Variants in TSHZ2 observed in about 807,000 individuals in gnomAD.
TSHZ2 encodes the protein teashirt zinc finger homeobox 2.
TSHZ2 carries 21 observed loss-of-function variants against 74.4 expected under a neutral mutation model. The ratio of observed to expected loss-of-function variants is 0.28; its 90% confidence interval spans 0.20 to 0.41. TSHZ2 has a LOEUF of 0.41. TSHZ2 is among the 10% of genes least tolerant of loss of function. The probability of loss-of-function intolerance (pLI) is 1.00; values close to 1 mark genes in which losing one functional copy is unlikely to be tolerated. For synonymous variants in TSHZ2, 540 were observed against 515.3 expected (o/e 1.05, Z -0.65); for missense variants, 1,244 against 1,293.5 (o/e 0.96, Z 0.59).
chr20:53,217,806 GACTT>G (rs1989470471), intron 1 of TSHZ2, among the ~76,000 whole-genome samples: 1 of 152,152 alleles, frequency 6.6e-6, no homozygotes, highest in Non-Finnish European at 1.5e-5. Context: ...AGAGTTATCT[GACTT>G]ACTATCTCAT....
chr20:53,081,847 C>T (rs1380876598), intron 1 of TSHZ2, among the ~76,000 whole-genome samples: 1 of 151,840 alleles, frequency 6.6e-6, no homozygotes, highest in Non-Finnish European at 1.5e-5. Flanking sequence ...AACACACAAA[C>T]ACCTTATATT....
At chr20:53,226,499 C>T (rs1382862993) in intron 1 of TSHZ2, among the ~76,000 whole-genome samples, 1 of 151,718 alleles carries the variant, frequency 6.6e-6, no homozygotes, top group Admixed American at 6.6e-5. Context: ...GGCCAGTAAC[C>T]GTGTCAAATC....
At chr20:53,462,342 A>T (rs1985404864) in intron 2 of TSHZ2, among the ~76,000 whole-genome samples, 1 of 152,198 alleles carries the variant, frequency 6.6e-6, no homozygotes, top group African/African-American at 2.4e-5. Context: ...ATGTTTACTT[A>T]ATTACTTCTT....
At chr20:53,228,069 A>G (rs1374480790) in intron 1 of TSHZ2, among the ~76,000 whole-genome samples, 1 of 138,278 alleles carries the variant, frequency 7.2e-6, no homozygotes, top group Non-Finnish European at 1.5e-5. Context: ...ATCATTTAAG[A>G]TATTTTGATA....
At chr20:53,182,917 G>A (rs1988517113) in intron 1 of TSHZ2, among the ~76,000 whole-genome samples, 1 of 152,170 alleles carries the variant, frequency 6.6e-6, no homozygotes, top group Non-Finnish European at 1.5e-5. Flanking sequence ...GCGTTTTAAT[G>A]ATTGCTAGAT....
At chr20:53,188,918 C>T (rs1229009736) in intron 1 of TSHZ2, among the ~76,000 whole-genome samples, 3 of 152,098 alleles carry the variant, frequency 2.0e-5, no homozygotes, top group Non-Finnish European at 4.4e-5. Context: ...ATCCTTATAA[C>T]ATGTCTATGA....
At chr20:53,234,360 T>A (rs1003763152) in intron 1 of TSHZ2, among the ~76,000 whole-genome samples, 2 of 152,146 alleles carry the variant, frequency 1.3e-5, no homozygotes, top group African/African-American at 4.8e-5. Context: ...TTTTGAGAAC[T>A]TACCAAGCAC....
chr20:53,071,707 ACAGGT>A (rs1985180052), intron 1 of TSHZ2, among the ~76,000 whole-genome samples: 3 of 152,078 alleles, frequency 2.0e-5, no homozygotes, highest in South Asian at 4.1e-4. Context: ...GTGACCCATC[ACAGGT>A]GACATGGGTT....
chr20:53,481,107 A>G lies in TSHZ2; in HGVS notation c.*9-6037A>G, dbSNP rs548249313. Among the ~76,000 whole-genome samples, 14 of 152,210 alleles carry G rather than the reference A, an allele frequency of 9.2e-5. No homozygotes were observed. In the East Asian group the frequency reaches 2.7e-3, roughly 29 times the overall value. ...ATTTGAGAGGCAACTAACAGTATCC[A>G]CTTCCTTTTTTTCTCAATCTGTTCT... On this transcript the variant is annotated intron_variant, in intron 2 of 2. Transcript: ENST00000371497.
chr20:53,202,982 A>G (rs913594793), intron 1 of TSHZ2, among the ~76,000 whole-genome samples: 2 of 152,164 alleles, frequency 1.3e-5, no homozygotes, highest in Non-Finnish European at 2.9e-5. Flanking sequence ...GATGAATCAT[A>G]CGTAGGCAGA....
At chr20:52,989,164 CAAAAAAAA>C (rs3995491) in intron 1 of TSHZ2, among the ~76,000 whole-genome samples, 1 of 126,172 alleles carries the variant, frequency 7.9e-6, no homozygotes, top group African/African-American at 2.8e-5. Context: ...CTCTGTCTGG[CAAAAAAAA>C]AAAAAAAAAT....
chr20:53,368,261 A>G (rs1422724721), intron 2 of TSHZ2, among the ~76,000 whole-genome samples: 4 of 151,566 alleles, frequency 2.6e-5, no homozygotes, highest in Non-Finnish European at 4.4e-5. Context: ...CCAAACCAAA[A>G]TACCAACGGG....
At chr20:52,991,847 T>C (rs1982010231) in intron 1 of TSHZ2, among the ~76,000 whole-genome samples, 1 of 152,102 alleles carries the variant, frequency 6.6e-6, no homozygotes, top group Non-Finnish European at 1.5e-5. Context: ...GATTTTGCGT[T>C]TGTGGTGGAC....
At chr20:53,145,313 C>T (rs760428335) in intron 1 of TSHZ2, among the ~76,000 whole-genome samples, 6 of 152,118 alleles carry the variant, frequency 3.9e-5, no homozygotes, top group Non-Finnish European at 8.8e-5. Flanking sequence ...GCATTGGTGT[C>T]AAAATGGCAG....
At chr20:53,175,131 C>CTTTTTTTTTTTTTTTTTTTTTT (rs750453219) in intron 1 of TSHZ2, among the ~76,000 whole-genome samples, 1 of 63,644 alleles carries the variant, frequency 1.6e-5, no homozygotes, top group Non-Finnish European at 2.7e-5. Context: ...CTTCTTCTTT[C>CTTTTTTTTTTTTTTTTTTTTTT]TTTTTTTTTT....
chr20:53,219,087 T>G (rs1454927411), intron 1 of TSHZ2, among the ~76,000 whole-genome samples: 1 of 152,214 alleles, frequency 6.6e-6, no homozygotes, highest in Non-Finnish European at 1.5e-5. Flanking sequence ...TAAAAGAAGC[T>G]TTTACTGTGT....
At chr20:53,223,623 T>G (rs1415910671) in intron 1 of TSHZ2, among the ~76,000 whole-genome samples, 1 of 152,144 alleles carries the variant, frequency 6.6e-6, no homozygotes, top group African/African-American at 2.4e-5. Context: ...CTCAAACTCC[T>G]GAGCCGAAGT....
intron 2 of TSHZ2, among the ~76,000 whole-genome samples, chr20:53,448,067 C>A (rs1215932048): frequency 6.6e-6 from 1 of 152,070 alleles, no homozygotes; most frequent in African/African-American, 2.4e-5. Flanking sequence ...GCACCTGCCA[C>A]CATGCCCCGC....
chr20:53,419,582 T>C (rs1983393508), intron 2 of TSHZ2, among the ~76,000 whole-genome samples: 1 of 152,176 alleles, frequency 6.6e-6, no homozygotes, highest in African/African-American at 2.4e-5. Context: ...GTTTGCCCAC[T>C]CTATAAAGAG....
Sources: allele counts gnomAD v4.1 joint callset (sites outside exome capture counted in the v4.1 genomes callset), GRCh38; gene constraint gnomAD v4.1.1; transcripts MANE v1.5; gene names NCBI Gene and HGNC (gene_info 2026-07-23, HGNC 2026-07-21).